Variants in SLC35F1 observed in about 807,000 individuals in gnomAD.
The protein encoded by SLC35F1 is chromosome 6 open reading frame 169.
A neutral mutation model predicts 48.7 loss-of-function variants in SLC35F1; 14 were observed. The observed-to-expected ratio is 0.29, with a 90% CI of 0.19 to 0.45. The LOEUF is 0.45. SLC35F1 is among the 20% of genes least tolerant of loss of function. The pLI, the probability that SLC35F1 is intolerant of heterozygous loss-of-function variation, is 1.00. For synonymous variants in SLC35F1, 190 were observed against 202.2 expected, an observed-to-expected ratio of 0.94 and a Z score of 0.51; for missense variants, 404 against 500.0, an observed-to-expected ratio of 0.81 and a Z score of 1.83.
intron 2 of SLC35F1, among the ~76,000 whole-genome samples, chr6:118,186,921 G>A (rs1443724685): frequency 2.0e-5 from 3 of 152,186 alleles, no homozygotes; most frequent in Non-Finnish European, 4.4e-5. Context: ...TTCTAAAGCT[G>A]ATGTAGTCAT....
At chr6:117,957,555 A>G (rs1386439151) in intron 1 of SLC35F1, among the ~76,000 whole-genome samples, 5 of 152,234 alleles carry the variant, frequency 3.3e-5, no homozygotes, top group East Asian at 1.9e-4. Context: ...GAAGATTTAC[A>G]TAGGGTTATA....
chr6:118,150,514 A>C (rs1029333101), intron 1 of SLC35F1, among the ~76,000 whole-genome samples: 1 of 152,172 alleles, frequency 6.6e-6, no homozygotes, highest in African/African-American at 2.4e-5. Context: ...ATATTGCCAA[A>C]GTTTTTGAAC....
At chr6:118,148,541 C>T (rs1774009147) in intron 1 of SLC35F1, among the ~76,000 whole-genome samples, 1 of 152,142 alleles carries the variant, frequency 6.6e-6, no homozygotes, top group South Asian at 2.1e-4. Flanking sequence ...CTTCCAGCAG[C>T]ACTATTTTTC....
At chr6:118,044,081 G>A (rs1772266116) in intron 1 of SLC35F1, among the ~76,000 whole-genome samples, 1 of 152,212 alleles carries the variant, frequency 6.6e-6, no homozygotes, top group Admixed American at 6.5e-5. Flanking sequence ...TGCAGGTGCA[G>A]GCCAGTGCCT....
At chr6:118,273,315 T>A (rs1775881731) in intron 4 of SLC35F1, among the ~76,000 whole-genome samples, 1 of 152,184 alleles carries the variant, frequency 6.6e-6, no homozygotes, top group Admixed American at 6.5e-5. Flanking sequence ...AAAGGTAGAT[T>A]GATGCTTCCC....
intron 3 of SLC35F1, among the ~76,000 whole-genome samples, chr6:118,256,440 C>G (rs1775647779): frequency 6.6e-6 from 1 of 152,126 alleles, no homozygotes; most frequent in African/African-American, 2.4e-5. Flanking sequence ...TAGCCTCTGA[C>G]AGCTGGGCCA....
intron 3 of SLC35F1, among the ~76,000 whole-genome samples, chr6:118,265,296 G>A (rs281859): frequency 0.1 from 15,358 of 152,144 alleles, 949 homozygotes; most frequent in African/African-American, 0.17. Flanking sequence ...GATGTTTCTG[G>A]TCATTAAAAA....
chr6:117,920,819 A>C (rs1011450206), intron 1 of SLC35F1, among the ~76,000 whole-genome samples: 24 of 152,166 alleles, frequency 1.6e-4, no homozygotes, highest in African/African-American at 5.6e-4. Context: ...GTCTCTGGAA[A>C]TATAAGTTCC....
chr6:118,157,223 C>A (rs1774157559), intron 2 of SLC35F1, among the ~76,000 whole-genome samples: 1 of 151,990 alleles, frequency 6.6e-6, no homozygotes, highest in Admixed American at 6.6e-5. Context: ...GCTTCAGGGC[C>A]CACCCTGCCA....
chr6:118,236,498 A>G (rs1775367624), intron 3 of SLC35F1, among the ~76,000 whole-genome samples: 1 of 152,242 alleles, frequency 6.6e-6, no homozygotes, highest in South Asian at 2.1e-4. Context: ...CTTACGAACA[A>G]TAATGACAAA....
chr6:117,935,304 T>C (rs1181636046), intron 1 of SLC35F1, among the ~76,000 whole-genome samples: 1 of 152,236 alleles, frequency 6.6e-6, no homozygotes, highest in Non-Finnish European at 1.5e-5. Flanking sequence ...ACTGAAGTTA[T>C]GCTCTATAAA....
At position 118,277,537 on chromosome 6, in the gene SLC35F1, T is replaced by G; in HGVS notation, c.838T>G (p.Trp280Gly). ...GGAACTGTTGAAGGTGCCCTGGGAC[T>G]GGCAAATAGGTAAGGAGTTGGCTCA... ...HKELLKVPWDWQIGLLYVGFS... is the reference protein window; with the variant it reads ...HKELLKVPWDGQIGLLYVGFS... The change falls in exon 6 of 8, where the codon TGG (tryptophan) becomes GGG (glycine). Residue 280 changes from tryptophan to glycine, a missense_variant. Coordinates refer to ENST00000360388, the MANE Select transcript of SLC35F1 (RefSeq NM_001029858.4). 1.2e-6 allele frequency: 2 copies of G among 1,614,000 alleles called. No homozygotes were observed. Among genetic ancestry groups the G allele is most frequent in the Non-Finnish European group, 1.7e-6 (2 of 1,179,856 alleles).
In SLC35F1 at chr6:117,907,648, G is replaced by T; in HGVS notation, c.-79G>T. The T allele has an allele frequency of 3.5e-6, 3 of 855,926 alleles. No homozygotes were observed. The highest frequency in any genetic ancestry group is 3.3e-6 in the Non-Finnish European group (2 of 604,696). 53.0% of individuals were successfully genotyped at this position (855,926 alleles called of 1,614,324 possible). ...CCGCGGCCGCCCGGCCGGGTCCTCT[G>T]CGCGTTCCCGGGCCCGGAACCGGCA... On this transcript the variant is annotated 5_prime_UTR_variant, in exon 1 of 8. Coordinates refer to ENST00000360388, the MANE Select transcript of SLC35F1 (RefSeq NM_001029858.4).
chr6:117,934,910 C>A (rs1416279322), intron 1 of SLC35F1, among the ~76,000 whole-genome samples: 3 of 151,962 alleles, frequency 2.0e-5, no homozygotes, highest in African/African-American at 7.3e-5. Context: ...AGTTCGAGAC[C>A]CAGCCTGGCC....
intron 4 of SLC35F1, among the ~76,000 whole-genome samples, chr6:118,268,984 C>T (rs988709187): frequency 2.0e-5 from 3 of 152,058 alleles, no homozygotes; most frequent in South Asian, 2.1e-4. Flanking sequence ...AAGCAAGTAC[C>T]CTTAGTTATA....
intron 1 of SLC35F1, among the ~76,000 whole-genome samples, chr6:117,996,239 C>T (rs1054285246): frequency 1.3e-5 from 2 of 152,286 alleles, no homozygotes; most frequent in Middle Eastern, 3.4e-3. Context: ...GACTTTAGCA[C>T]AAACTTTTGA....
At chr6:118,029,242 G>A (rs1340698961) in intron 1 of SLC35F1, among the ~76,000 whole-genome samples, 3 of 152,070 alleles carry the variant, frequency 2.0e-5, no homozygotes. Context: ...TGATCTTGAA[G>A]AACAGTGGGG....
intron 1 of SLC35F1, among the ~76,000 whole-genome samples, chr6:118,102,975 C>T (rs1562290986): frequency 1.3e-5 from 2 of 152,146 alleles, no homozygotes. Flanking sequence ...TTGCATATCT[C>T]TGAGCCTCCC....
intron 7 of SLC35F1, among the ~76,000 whole-genome samples, chr6:118,285,675 G>C (rs1776040574): frequency 6.6e-6 from 1 of 152,192 alleles, no homozygotes; most frequent in South Asian, 2.1e-4. Flanking sequence ...ACAATTCCCA[G>C]ACTACAGCTG....
Sources: gnomAD v4.1 joint callset for allele counts (sites outside exome capture counted in the v4.1 genomes callset) on GRCh38, gnomAD v4.1.1 for gene constraint, MANE v1.5 for transcripts, NCBI Gene and HGNC (gene_info 2026-07-23, HGNC 2026-07-21) for gene names.